SEC14L1: variants seen among roughly 807,000 people sequenced by gnomAD.
The protein encoded by SEC14L1 is SEC14-like protein 1.
SEC14L1 carries 48 observed loss-of-function variants against 85.3 expected under a neutral mutation model. The ratio of observed to expected loss-of-function variants is 0.56; its 90% CI spans 0.45 to 0.72. The LOEUF (loss-of-function observed/expected upper bound fraction) is 0.72, where lower values mean the gene tolerates loss of function less well. Among genes scored for constraint, SEC14L1 ranks in the 30% least tolerant of loss-of-function variants. The pLI, the probability that SEC14L1 is intolerant of heterozygous loss-of-function variation, is 0.00. For missense variants in SEC14L1, 682 were observed against 921.4 expected, an observed-to-expected ratio of 0.74 and a Z score of 3.36; for synonymous variants, 391 against 355.5, an observed-to-expected ratio of 1.10 and a Z score of -1.12.
At position 77,162,631 on chromosome 17, in the gene SEC14L1, G is replaced by A. The variant is rs547567377; in HGVS notation, c.63+18972G>A. ...GTGGATCACCTGAGGTCGGGAGTTCGAGAGCAGCATGACCAACATGGAGAA... is the reference window on the plus strand; with the variant it reads ...GTGGATCACCTGAGGTCGGGAGTTCAAGAGCAGCATGACCAACATGGAGAA... On this transcript the variant is annotated intron_variant, in intron 3 of 16. Transcript: ENST00000436233. 9.9e-5 allele frequency among the ~76,000 whole-genome samples: 15 copies of A among 152,176 alleles called. No individual in the cohort carries two copies. The East Asian group carries it at 2.7e-3, about 27-fold the overall frequency.
At chr17:77,203,502 T>C (rs1567931333) in intron 9 of SEC14L1, 68 bp from the exon 10 acceptor site, 19 of 1,347,988 alleles carry the variant, frequency 1.4e-5, no homozygotes, top group Non-Finnish European at 2.0e-5. Flanking sequence ...CTGTTAAGGG[T>C]CTTAGAGTTG....
intron 3 of SEC14L1, among the ~76,000 whole-genome samples, chr17:77,183,205 T>G (rs550559116): frequency 1.3e-5 from 2 of 152,376 alleles, no homozygotes; most frequent in East Asian, 3.9e-4. Context: ...CCCCTAAAGC[T>G]ACCTTTTTCA....
rs8081483 is a variant in SEC14L1, at chr17:77,177,004, G to A, written c.64-13799G>A. On this transcript the variant is annotated intron_variant, in intron 3 of 16. Transcript: ENST00000436233. ...AGAAATCCTTCTGATTAAGAATGAAGCAAAGACATTTTTTCTTCAACTTAA... is the reference window on the plus strand; with the variant it reads ...AGAAATCCTTCTGATTAAGAATGAAACAAAGACATTTTTTCTTCAACTTAA... Among the ~76,000 whole-genome samples, 569 of 152,272 alleles carry A rather than the reference G, an allele frequency of 3.7e-3. 5 individuals carry two copies. Among genetic ancestry groups the A allele is most frequent in the African/African-American group, 0.013 (548 of 41,552 alleles).
intron 3 of SEC14L1, among the ~76,000 whole-genome samples, chr17:77,110,293 G>T (rs979810983): frequency 6.6e-6 from 1 of 152,176 alleles, no homozygotes; most frequent in Admixed American, 6.5e-5. Context: ...AAAGAAAAAT[G>T]ATTGTTTCCT....
intron 3 of SEC14L1, among the ~76,000 whole-genome samples, chr17:77,151,545 A>AAATAAGATG (rs1973554871): frequency 6.6e-6 from 1 of 152,168 alleles, no homozygotes; most frequent in Non-Finnish European, 1.5e-5. Flanking sequence ...TTTCAAGCAG[A>AAATAAGATG]AATAAGATGT....
At chr17:77,106,258 G>T (rs1055344482) in intron 3 of SEC14L1, among the ~76,000 whole-genome samples, 2 of 152,112 alleles carry the variant, frequency 1.3e-5, no homozygotes, top group African/African-American at 4.8e-5. Context: ...AGGAGGCCAG[G>T]TGTGGTGGCT....
At chr17:77,155,568 T>G (rs913309479) in intron 3 of SEC14L1, among the ~76,000 whole-genome samples, 1 of 152,114 alleles carries the variant, frequency 6.6e-6, no homozygotes, top group Non-Finnish European at 1.5e-5. Flanking sequence ...CCTTGGTGGC[T>G]TAGCCCCAGA....
chr17:77,187,240 G>T (rs1567917822), intron 3 of SEC14L1, among the ~76,000 whole-genome samples: 1 of 152,082 alleles, frequency 6.6e-6, no homozygotes, highest in South Asian at 2.1e-4. Flanking sequence ...CCTTACAGAG[G>T]GGTGACATCT....
At chr17:77,136,410 A>T (rs1375955281), upstream of SEC14L1, among the ~76,000 whole-genome samples, 1 of 151,080 alleles carries the variant, frequency 6.6e-6, no homozygotes, top group Middle Eastern at 3.2e-3. Context: ...TTTTTCAAAC[A>T]CACATTACCA....
intron 3 of SEC14L1, among the ~76,000 whole-genome samples, chr17:77,122,012 A>C (rs1972311219): frequency 6.6e-6 from 1 of 152,220 alleles, no homozygotes; most frequent in Non-Finnish European, 1.5e-5. Context: ...GCAGCAGCCC[A>C]CACACTGGAA....
chr17:77,199,018 T>TC (rs1189649734), intron 8 of SEC14L1: 1 of 151,824 alleles, frequency 6.6e-6, no homozygotes, highest in Non-Finnish European at 1.5e-5. Flanking sequence ...TTTTTTTTTT[T>TC]TTTTGAGATG....
At chr17:77,189,243 C>CACAGAGA (rs1975408313) in intron 3 of SEC14L1, among the ~76,000 whole-genome samples, 1 of 152,118 alleles carries the variant, frequency 6.6e-6, no homozygotes, top group African/African-American at 2.4e-5. Flanking sequence ...GGGAAACAGA[C>CACAGAGA]ACAGAGAACA....
intron 2 of SEC14L1, among the ~76,000 whole-genome samples, chr17:77,142,966 T>G (rs1283392050): frequency 6.6e-6 from 1 of 152,262 alleles, no homozygotes; most frequent in African/African-American, 2.4e-5. Context: ...GGAGCCTGTT[T>G]AGCCAGAATA....
intron 3 of SEC14L1, among the ~76,000 whole-genome samples, chr17:77,182,162 T>C (rs1975068314): frequency 1.3e-5 from 2 of 152,120 alleles, no homozygotes; most frequent in African/African-American, 4.8e-5. Context: ...TGAACATAGC[T>C]CATGTTAAAG....
At chr17:77,159,396 T>C (rs1973959821) in intron 3 of SEC14L1, among the ~76,000 whole-genome samples, 1 of 150,106 alleles carries the variant, frequency 6.7e-6, no homozygotes, top group African/African-American at 2.5e-5. Flanking sequence ...TTTTTTTTTT[T>C]TTGAGACAGA....
chr17:77,188,531 C>G (rs181094603), intron 3 of SEC14L1, among the ~76,000 whole-genome samples: 7 of 151,860 alleles, frequency 4.6e-5, no homozygotes, highest in Non-Finnish European at 5.9e-5. Flanking sequence ...GCAGCGCAGT[C>G]CATTTAGCCT....
rs1332360490 is a variant in SEC14L1, at chr17:77,214,062, C to T, written c.*39C>T. On this transcript the variant is annotated 3_prime_UTR_variant, in exon 17 of 17. Transcript: ENST00000436233. ...GCACCTAGTGTGCAGAGGGGACGGCCGCCCCTCCTCGGACAGCCAGCTGCA... is the reference window on the plus strand; with the variant it reads ...GCACCTAGTGTGCAGAGGGGACGGCTGCCCCTCCTCGGACAGCCAGCTGCA... 9.4e-6 allele frequency: 15 copies of T among 1,589,170 alleles called. No homozygotes were observed. Among genetic ancestry groups the T allele is most frequent in the Admixed American group, 3.5e-5 (2 of 57,472 alleles).
At chr17:77,191,735 G>T (rs2143799027) in intron 5 of SEC14L1, among the ~76,000 whole-genome samples, 1 of 151,378 alleles carries the variant, frequency 6.6e-6, no homozygotes, top group Middle Eastern at 3.4e-3. Context: ...TAAAGATGGG[G>T]TTTCACCGTG....
intron 3 of SEC14L1, among the ~76,000 whole-genome samples, chr17:77,107,558 C>G (rs1971942776): frequency 6.6e-6 from 1 of 151,892 alleles, no homozygotes; most frequent in Admixed American, 6.6e-5. Context: ...TTGAGAAAGT[C>G]CAAGAAAACA....
Sources: gnomAD v4.1 joint callset for allele counts (sites outside exome capture counted in the v4.1 genomes callset) on GRCh38, gnomAD v4.1.1 for gene constraint, MANE v1.5 for transcripts, NCBI Gene and HGNC (gene_info 2026-07-23, HGNC 2026-07-21) for gene names.